The following RIOK1 variants were observed in gnomAD, a reference collection of about 807,000 sequenced individuals.
RIOK1 encodes the protein RIO kinase 1, also known as serine/threonine-protein kinase RIO1.
Under a neutral mutation model 73.5 loss-of-function variants are expected in RIOK1, and 66 were observed. The observed-to-expected ratio is 0.90, with a 90% CI of 0.74 to 1.10. RIOK1 has a LOEUF of 1.10. RIOK1 is among the 50% of genes least tolerant of loss of function. RIOK1 has a pLI of 0.00. For synonymous variants in RIOK1, 224 were observed against 226.8 expected (o/e 0.99, Z 0.11); for missense variants, 658 against 699.8 (o/e 0.94, Z 0.67).
At position 7,402,833 on chromosome 6, in the gene RIOK1, T is replaced by C. The variant is rs184021828; in HGVS notation, c.703T>C (p.Cys235Arg). Residue 235 changes from cysteine to arginine, a missense_variant, in exon 8 of 17, where the codon TGT (cysteine) becomes CGT (arginine). Transcript: ENST00000379834. ...SGEFRFRHGY[C>R]KGNPRKMVKT... Reference sequence around the variant, plus strand: ...TTATTCAAGATTTCGTCATGGCTATTGTAAAGGAAACCCTAGGAAAATGGT... The same window carrying C: ...TTATTCAAGATTTCGTCATGGCTATCGTAAAGGAAACCCTAGGAAAATGGT... 9 of 1,613,498 alleles carry C rather than the reference T, an allele frequency of 5.6e-6. No homozygotes were observed. In the Admixed American group the frequency reaches 1.5e-4, roughly 27 times the overall value.
chr6:7,408,832 C>T (rs1048255917), intron 12 of RIOK1, among the ~76,000 whole-genome samples: 1 of 150,670 alleles, frequency 6.6e-6, no homozygotes, highest in East Asian at 2.0e-4. Flanking sequence ...AGCGATTCTC[C>T]TGCCTCAGCC....
At chr6:7,407,145 T>C (rs1426443860) in intron 12 of RIOK1, among the ~76,000 whole-genome samples, 1 of 152,244 alleles carries the variant, frequency 6.6e-6, no homozygotes, top group Non-Finnish European at 1.5e-5. Flanking sequence ...CTTTCGAATA[T>C]ACACCCAGAA....
intron 5 of RIOK1, among the ~76,000 whole-genome samples, chr6:7,399,434 T>C (rs1761559667): frequency 6.6e-6 from 1 of 152,204 alleles, no homozygotes; most frequent in Non-Finnish European, 1.5e-5. Context: ...TTTATTTCTG[T>C]AATTGAAAAC....
intron 16 of RIOK1, among the ~76,000 whole-genome samples, chr6:7,415,713 T>C (rs893035094): frequency 2.0e-5 from 3 of 152,158 alleles, no homozygotes; most frequent in African/African-American, 7.2e-5. Flanking sequence ...CACCAGGCCA[T>C]TTACTGTAAG....
chr6:7,414,459 A>G lies in RIOK1; in HGVS notation c.1596+69A>G, dbSNP rs958646423. 1.7e-5 allele frequency: 24 copies of G among 1,390,662 alleles called. No homozygotes were observed. The African/African-American group carries it at 3.3e-4, about 19-fold the overall frequency. 86.1% of individuals were successfully genotyped at this position (1,390,662 alleles called of 1,614,324 possible). The stretch of plus-strand genomic sequence containing the variant: ...CAGCCGCTCTTATTTCTCTTTGCTC[A>G]AGGATCTAGCTAGATTATGATGGCT... On this transcript the variant is annotated intron_variant, in intron 16 of 16. Coordinates refer to ENST00000379834, the MANE Select transcript of RIOK1 (RefSeq NM_031480.3).
At chr6:7,416,825 AG>A (rs781339213) in intron 16 of RIOK1, among the ~76,000 whole-genome samples, 7 of 151,824 alleles carry the variant, frequency 4.6e-5, no homozygotes, top group African/African-American at 1.2e-4. Context: ...GTCTCTAAAA[AG>A]AAAAAACTGA....
intron 14 of RIOK1, among the ~76,000 whole-genome samples, chr6:7,412,233 C>G (rs1049543325): frequency 6.6e-6 from 1 of 150,560 alleles, no homozygotes. Context: ...TGGTGGCGTG[C>G]TCCTGTAATC....
At chr6:7,399,242 C>G (rs1761554841) in intron 5 of RIOK1, among the ~76,000 whole-genome samples, 1 of 152,114 alleles carries the variant, frequency 6.6e-6, no homozygotes, top group Non-Finnish European at 1.5e-5. Flanking sequence ...TGGATATTAG[C>G]CTTGGCCCAG....
chr6:7,404,426 C>T lies in RIOK1; in HGVS notation c.863C>T (p.Pro288Leu). The T allele has an allele frequency of 3.7e-6, 6 of 1,614,028 alleles. No individual in the cohort carries two copies. The highest frequency in any genetic ancestry group is 5.1e-6 in the Non-Finnish European group (6 of 1,180,014). Residue 288 changes from proline to leucine, a missense_variant, in exon 10 of 17, where the codon CCA (proline) becomes CTA (leucine). Pro to Leu is a moderately conservative substitution (Grantham distance 98, BLOSUM62 -3). Transcript: ENST00000379834. ...AGTTCTTTTCATTCAAGGCCTGCAC[C>T]ACTCTTGAAAAATGTCCAGTTATCA... ...SFIGKDDMPAPLLKNVQLSES... is the reference protein window; with the variant it reads ...SFIGKDDMPALLLKNVQLSES...
chr6:7,402,829 C>T lies in RIOK1; in HGVS notation c.699C>T (p.Gly233=). ...TTTCTTATTCAAGATTTCGTCATGG[C>T]TATTGTAAAGGAAACCCTAGGAAAA... ...YVSGEFRFRH[G]YCKGNPRKMV... is the part of the protein sequence containing the mutation. The change falls in exon 8 of 17, where the codon GGC becomes GGT. Residue 233 remains glycine (G), a synonymous_variant. Transcript: ENST00000379834. The T allele has an allele frequency of 6.2e-7, 1 of 1,612,772 alleles. No individual in the cohort carries two copies. The highest frequency in any genetic ancestry group is 8.5e-7 in the Non-Finnish European group (1 of 1,179,194).
intron 5 of RIOK1, among the ~76,000 whole-genome samples, chr6:7,399,901 A>G (rs1581714178): frequency 6.6e-6 from 1 of 152,026 alleles, no homozygotes; most frequent in South Asian, 2.1e-4. Flanking sequence ...TTGTGGTGTG[A>G]CCCCAGCCAC....
At position 7,401,063 on chromosome 6, in the gene RIOK1, T is replaced by G. The variant is rs1445429623; in HGVS notation, c.573+13T>G. ...CACAGGAAAAGAAGTGAGCTCTTCT[T>G]TGGATGATTGGATATTTAATTTTCT... On this transcript the variant is annotated intron_variant, in intron 6 of 16. Transcript: ENST00000379834. 1 of 1,474,950 alleles carries G rather than the reference T, an allele frequency of 6.8e-7. No individual in the cohort carries two copies. The highest frequency in any genetic ancestry group is 9.4e-7 in the Non-Finnish European group (1 of 1,059,628). The allele number at this position is 1,474,950 out of a possible 1,614,324, so 91.4% of individuals were successfully genotyped here.
At position 7,404,908 on chromosome 6, in the gene RIOK1, T is replaced by C. The variant is rs770912589; in HGVS notation, c.993-10T>C. The C allele has an allele frequency of 6.2e-7, 1 of 1,608,036 alleles. No individual in the cohort carries two copies. Among genetic ancestry groups the C allele is most frequent in the Non-Finnish European group, 8.5e-7 (1 of 1,174,652 alleles). ...TACCATCCCACAGCTTCTGTGTCTC[T>C]GGCCCATAGGTACCACGGTGGAGGC... On this transcript the variant is annotated splice_polypyrimidine_tract_variant and intron_variant, in intron 10 of 16. Coordinates refer to ENST00000379834, the MANE Select transcript of RIOK1 (RefSeq NM_031480.3).
intron 1 of RIOK1, among the ~76,000 whole-genome samples, chr6:7,391,882 G>A (rs9328419): frequency 0.44 from 67,113 of 152,060 alleles, 17,162 homozygotes; most frequent in Middle Eastern, 0.59. Flanking sequence ...GTCCTGGTAA[G>A]TAGCAAGTGT....
chr6:7,408,059 T>G (rs1012640617), intron 12 of RIOK1, among the ~76,000 whole-genome samples: 2 of 152,186 alleles, frequency 1.3e-5, no homozygotes, highest in Non-Finnish European at 2.9e-5. Flanking sequence ...GTTTTTGAGA[T>G]GGAGTCTCGT....
chr6:7,417,481 C>T lies in RIOK1; in HGVS notation c.*40C>T, dbSNP rs1022728284. On this transcript the variant is annotated 3_prime_UTR_variant, in exon 17 of 17. Coordinates refer to ENST00000379834, the MANE Select transcript of RIOK1 (RefSeq NM_031480.3). ...TATGTACAGTCATTTTCCTCAGTTC[C>T]TTTTCTCGCCTGAACTCTTAAGCTG... 7.9e-7 allele frequency: 1 copy of T among 1,268,168 alleles called. No individual in the cohort carries two copies. The highest frequency in any genetic ancestry group is 1.1e-6 in the Non-Finnish European group (1 of 915,970). 78.6% of individuals were successfully genotyped at this position (1,268,168 alleles called of 1,614,324 possible).
At chr6:7,394,451 A>G (rs17673188) in intron 2 of RIOK1, among the ~76,000 whole-genome samples, 20,405 of 152,276 alleles carry the variant, frequency 0.13, 1,822 homozygotes, top group Middle Eastern at 0.25. Flanking sequence ...CAACAACAAT[A>G]AAATGGCTAT....
At chr6:7,406,286 G>A (rs557400538) in intron 12 of RIOK1, among the ~76,000 whole-genome samples, 41 of 152,084 alleles carry the variant, frequency 2.7e-4, no homozygotes, top group African/African-American at 8.9e-4. Flanking sequence ...TGTGAGCCAC[G>A]ACGCCCGGCC....
At chr6:7,405,532 C>T (rs1761723892) in intron 12 of RIOK1, among the ~76,000 whole-genome samples, 177 bp downstream of exon 12, 1 of 152,208 alleles carries the variant, frequency 6.6e-6, no homozygotes, top group Non-Finnish European at 1.5e-5. Flanking sequence ...ATCCTCACTG[C>T]TCCATTTCAC....
Sources: gnomAD v4.1 joint callset for allele counts (sites outside exome capture counted in the v4.1 genomes callset) on GRCh38, gnomAD v4.1.1 for gene constraint, MANE v1.5 for transcripts, NCBI Gene and HGNC (gene_info 2026-07-23, HGNC 2026-07-21) for gene names.